The following LRRC7 variants were observed in gnomAD, a reference collection of about 807,000 sequenced individuals.
LRRC7 encodes the protein leucine-rich repeat-containing protein 7.
LRRC7 carries 23 observed loss-of-function variants against 175.7 expected under a neutral mutation model. That is an observed-to-expected ratio of 0.13 (90% CI 0.09 to 0.19). LRRC7 has a LOEUF of 0.19. Among genes scored for constraint, LRRC7 ranks in the 10% least tolerant of loss-of-function variants. The pLI, the probability that LRRC7 is intolerant of heterozygous loss-of-function variation, is 1.00. For synonymous variants in LRRC7, 685 were observed against 680.9 expected, an observed-to-expected ratio of 1.01 and a Z score of -0.09; for missense variants, 1,354 against 1,904.7, an observed-to-expected ratio of 0.71 and a Z score of 5.38.
At chr1:69,875,306 CT>C (rs1475713699) in intron 7 of LRRC7, among the ~76,000 whole-genome samples, 2 of 151,924 alleles carry the variant, frequency 1.3e-5, no homozygotes, top group African/African-American at 4.8e-5. Flanking sequence ...AATAATTAAC[CT>C]TACTGCAGTA....
intron 7 of LRRC7, among the ~76,000 whole-genome samples, chr1:69,925,552 T>C (rs530352137): frequency 1.4e-4 from 21 of 152,198 alleles, no homozygotes; most frequent in African/African-American, 5.1e-4. Flanking sequence ...TCGAGGAATT[T>C]CTCCATTTCT....
At chr1:69,721,201 A>G (rs1192206207) in intron 2 of LRRC7, among the ~76,000 whole-genome samples, 1 of 151,878 alleles carries the variant, frequency 6.6e-6, no homozygotes, top group Non-Finnish European at 1.5e-5. Context: ...ATTTGTTATA[A>G]TCGATGAACC....
chr1:70,050,348 C>T (rs982600867), intron 22 of LRRC7, among the ~76,000 whole-genome samples: 2 of 152,054 alleles, frequency 1.3e-5, no homozygotes, highest in Non-Finnish European at 2.9e-5. Context: ...AAGACTTCTA[C>T]TCAGCATTAT....
chr1:69,833,421 G>T (rs1680751332), intron 5 of LRRC7, among the ~76,000 whole-genome samples: 1 of 151,970 alleles, frequency 6.6e-6, no homozygotes, highest in Admixed American at 6.6e-5. Context: ...ATGTAGACAG[G>T]GAGGGACACC....
chr1:69,671,225 G>T (rs1380879618), intron 1 of LRRC7, among the ~76,000 whole-genome samples: 1 of 152,060 alleles, frequency 6.6e-6, no homozygotes, highest in African/African-American at 2.4e-5. Flanking sequence ...GTCAGCAGGT[G>T]GTGGATCCTT....
intron 3 of LRRC7, among the ~76,000 whole-genome samples, chr1:69,776,037 G>A (rs1672771145): frequency 6.6e-6 from 1 of 152,160 alleles, no homozygotes; most frequent in Non-Finnish European, 1.5e-5. Context: ...GCAGCCCAAA[G>A]TGAAAAGTCT....
intron 8 of LRRC7, among the ~76,000 whole-genome samples, chr1:69,954,106 T>A (rs935985710): frequency 6.6e-6 from 1 of 152,028 alleles, no homozygotes; most frequent in Non-Finnish European, 1.5e-5. Context: ...GGGTGACTTA[T>A]GACTGGGGTA....
In LRRC7 at chr1:70,129,939, CT is replaced by C. The variant is rs1473462735; in HGVS notation, c.*8056del. On this transcript the variant is annotated 3_prime_UTR_variant, in exon 27 of 27. Transcript: ENST00000651989. ...GTATTCGCTGTGTTTTATATTTCAG[CT>C]TTTGCCCACACTATCCCTCTACTGG... is the stretch of plus-strand genomic sequence containing the variant. Among the ~76,000 whole-genome samples, 3 of 152,150 alleles carry C rather than the reference CT, an allele frequency of 2.0e-5. No individual in the cohort carries two copies. Among genetic ancestry groups the C allele is most frequent in the African/African-American group, 7.2e-5 (3 of 41,436 alleles).
In LRRC7 at chr1:69,619,994, T is replaced by C. The variant is rs1318592078; in HGVS notation, c.2+51353T>C. On this transcript the variant is annotated intron_variant, in intron 1 of 26. Coordinates refer to ENST00000651989, the MANE Select transcript of LRRC7 (RefSeq NM_001370785.2). Reference sequence around the variant, plus strand: ...TGCAGATTCTATCTTGCAAAGAGACTTCAAGAAACAATGAACTTTTGTGTC... The same window carrying C: ...TGCAGATTCTATCTTGCAAAGAGACCTCAAGAAACAATGAACTTTTGTGTC... Among the ~76,000 whole-genome samples the C allele has an allele frequency of 3.9e-5, 6 of 152,168 alleles. No homozygotes were observed. In the East Asian group the frequency reaches 1.2e-3, roughly 29 times the overall value.
chr1:69,913,040 A>C (rs1646580916), intron 7 of LRRC7, among the ~76,000 whole-genome samples: 1 of 152,200 alleles, frequency 6.6e-6, no homozygotes, highest in Non-Finnish European at 1.5e-5. Flanking sequence ...AAATTAACCT[A>C]AACTGTTCAA....
At chr1:70,074,107 C>T (rs904667196) in intron 23 of LRRC7, among the ~76,000 whole-genome samples, 3 of 151,516 alleles carry the variant, frequency 2.0e-5, no homozygotes, top group African/African-American at 4.9e-5. Context: ...GAGGCTGAGG[C>T]AGGAGAATCA....
intron 2 of LRRC7, among the ~76,000 whole-genome samples, chr1:69,754,355 C>A (rs955362634): frequency 3.3e-5 from 5 of 151,914 alleles, no homozygotes; most frequent in Non-Finnish European, 5.9e-5. Context: ...GAAAAACAGG[C>A]TTGTTCAGGA....
chr1:69,727,673 A>G (rs1312474694), intron 2 of LRRC7, among the ~76,000 whole-genome samples: 1 of 152,172 alleles, frequency 6.6e-6, no homozygotes, highest in African/African-American at 2.4e-5. Flanking sequence ...AAGTTGAGGA[A>G]TTTAGAAACT....
chr1:69,799,107 T>G (rs995094248), intron 4 of LRRC7, among the ~76,000 whole-genome samples: 6 of 151,802 alleles, frequency 4.0e-5, no homozygotes, highest in East Asian at 3.9e-4. Context: ...TGCTAGTTTT[T>G]TTTTTTTTTT....
intron 7 of LRRC7, among the ~76,000 whole-genome samples, chr1:69,869,423 A>G (rs183566725): frequency 1.3e-5 from 2 of 152,096 alleles, no homozygotes; most frequent in Non-Finnish European, 2.9e-5. Context: ...AAAAAAATCC[A>G]AAGTAAGAAG....
intron 11 of LRRC7, among the ~76,000 whole-genome samples, chr1:70,006,164 G>A (rs1052887804): frequency 6.6e-6 from 1 of 152,076 alleles, no homozygotes; most frequent in Non-Finnish European, 1.5e-5. Flanking sequence ...AGATCATTGA[G>A]GAATATGTGT....
chr1:70,124,332 G>C lies in LRRC7; in HGVS notation c.*2445G>C, dbSNP rs986942382. On this transcript the variant is annotated 3_prime_UTR_variant, in exon 27 of 27. Coordinates refer to ENST00000651989, the MANE Select transcript of LRRC7 (RefSeq NM_001370785.2). ...TTGAGGTCAGTTCAAGACCAGCCTG[G>C]CCAACATGGTGAAACGCCATCTCTA... Among the ~76,000 whole-genome samples the C allele has an allele frequency of 1.3e-5, 2 of 152,102 alleles. No individual in the cohort carries two copies. Among genetic ancestry groups the C allele is most frequent in the African/African-American group, 4.8e-5 (2 of 41,412 alleles).
intron 4 of LRRC7, among the ~76,000 whole-genome samples, chr1:69,812,859 T>C (rs1461909110): frequency 1.3e-5 from 2 of 152,172 alleles, no homozygotes; most frequent in Non-Finnish European, 2.9e-5. Flanking sequence ...TTAAGAAGTA[T>C]GTTATGTCTG....
intron 7 of LRRC7, among the ~76,000 whole-genome samples, chr1:69,861,067 A>G (rs1684310067): frequency 6.6e-6 from 1 of 152,080 alleles, no homozygotes; most frequent in Non-Finnish European, 1.5e-5. Flanking sequence ...CTCTCATTTT[A>G]TAAGTATAAT....
Sources: allele counts gnomAD v4.1 joint callset (sites outside exome capture counted in the v4.1 genomes callset), GRCh38; gene constraint gnomAD v4.1.1; transcripts MANE v1.5; gene names NCBI Gene and HGNC (gene_info 2026-07-23, HGNC 2026-07-21).